The following SGCD variants were observed in gnomAD, a reference collection of about 807,000 sequenced individuals.
SGCD encodes the protein sarcoglycan delta, also known as delta-sarcoglycan.
A neutral mutation model predicts 36.6 loss-of-function variants in SGCD; 18 were observed. The ratio of observed to expected loss-of-function variants is 0.49; its 90% confidence interval spans 0.34 to 0.73. The LOEUF (loss-of-function observed/expected upper bound fraction) is 0.73, where lower values mean the gene tolerates loss of function less well. Ranked by LOEUF, SGCD falls within the 30% of genes least tolerant of loss-of-function variation. The pLI is 0.01. For missense variants in SGCD, 387 were observed against 346.7 expected (o/e 1.12, Z -0.92); for synonymous variants, 133 against 130.6 (o/e 1.02, Z -0.12).
At chr5:155,779,979 G>T in the SGCD span, among the ~76,000 whole-genome samples, 1 of 151,956 alleles carries the variant, frequency 6.6e-6, no homozygotes, top group African/African-American at 2.4e-5. Flanking sequence ...AAACTTTGGG[G>T]CAATTTTTAA....
intron 3 of SGCD, among the ~76,000 whole-genome samples, chr5:156,248,295 G>T (rs1765486677): frequency 6.6e-6 from 1 of 152,140 alleles, no homozygotes; most frequent in African/African-American, 2.4e-5. Flanking sequence ...GCCGAGATGG[G>T]CAGATTACAA....
chr5:155,807,892 G>T, the SGCD span, among the ~76,000 whole-genome samples: 7 of 152,150 alleles, frequency 4.6e-5, no homozygotes, highest in African/African-American at 1.7e-4. Context: ...GGATGGAGGA[G>T]GATGATACAC....
At chr5:156,607,933 T>C (rs1761559223) in intron 6 of SGCD, among the ~76,000 whole-genome samples, 1 of 152,212 alleles carries the variant, frequency 6.6e-6, no homozygotes, top group African/African-American at 2.4e-5. Flanking sequence ...GATTCTTCTC[T>C]TTTCTTCTTG....
intron 3 of SGCD, among the ~76,000 whole-genome samples, chr5:156,483,338 G>T (rs79574297): frequency 0.027 from 4,166 of 152,274 alleles, 158 homozygotes; most frequent in African/African-American, 0.088. Context: ...ACAGGTGTCA[G>T]ACTGAGACAT....
chr5:156,252,276 C>T (rs1047807062), intron 3 of SGCD, among the ~76,000 whole-genome samples: 3 of 151,954 alleles, frequency 2.0e-5, no homozygotes, highest in African/African-American at 4.8e-5. Flanking sequence ...GGGGTTTCTC[C>T]ATGTTGGTCA....
chr5:156,166,090 A>G (rs1581141256), intron 3 of SGCD, among the ~76,000 whole-genome samples: 1 of 145,420 alleles, frequency 6.9e-6, no homozygotes, highest in Non-Finnish European at 1.5e-5. Flanking sequence ...CGGTGTCTGT[A>G]TTATTTGTAG....
At chr5:156,438,694 C>T (rs988820974) in intron 3 of SGCD, among the ~76,000 whole-genome samples, 2 of 152,118 alleles carry the variant, frequency 1.3e-5, no homozygotes, top group Non-Finnish European at 2.9e-5. Flanking sequence ...CTCCATTCTT[C>T]ACAGGGAAAC....
At chr5:156,562,848 A>G (rs1025686619) in intron 4 of SGCD, among the ~76,000 whole-genome samples, 1 of 151,146 alleles carries the variant, frequency 6.6e-6, no homozygotes, top group African/African-American at 2.4e-5. Flanking sequence ...CATATTTTAT[A>G]TACTTAAATA....
chr5:156,334,651 AC>A (rs550539040), intron 2 of SGCD, among the ~76,000 whole-genome samples: 111 of 84,608 alleles, frequency 1.3e-3, no homozygotes, highest in African/African-American at 5.4e-3. Context: ...AGGAGGTGGG[AC>A]TTTTCCTCAT....
intron 7 of SGCD, among the ~76,000 whole-genome samples, chr5:156,720,916 T>TGCCTTGGACTAGGATGGC (rs1292309169): frequency 6.6e-6 from 1 of 152,178 alleles, no homozygotes; most frequent in Non-Finnish European, 1.5e-5. Flanking sequence ...GATAGGATGG[T>TGCCTTGGACTAGGATGGC]GCCTTGGACT....
At chr5:156,274,481 A>T (rs1487511884) in intron 3 of SGCD, among the ~76,000 whole-genome samples, 1 of 152,016 alleles carries the variant, frequency 6.6e-6, no homozygotes, top group Non-Finnish European at 1.5e-5. Context: ...AAAAAATTTT[A>T]GGGCTTTTAT....
intron 1 of SGCD, among the ~76,000 whole-genome samples, chr5:156,004,430 G>A (rs956593551): frequency 3.9e-5 from 6 of 152,118 alleles, no homozygotes; most frequent in Non-Finnish European, 7.4e-5. Flanking sequence ...CTAGCATTAT[G>A]TGAGGTGTTT....
intron 4 of SGCD, among the ~76,000 whole-genome samples, chr5:156,585,560 T>G (rs954186155): frequency 3.9e-5 from 6 of 152,208 alleles, no homozygotes; most frequent in African/African-American, 1.4e-4. Flanking sequence ...GAAGTCACTA[T>G]GTTCTGACTA....
intron 3 of SGCD, among the ~76,000 whole-genome samples, chr5:156,292,154 A>T (rs1766774277): frequency 6.6e-6 from 1 of 152,058 alleles, no homozygotes; most frequent in Non-Finnish European, 1.5e-5. Flanking sequence ...TATCCTAACC[A>T]TTTTTAAGTG....
Position 156,723,112 on chromosome 5 carries a change from G to A in SGCD, c.576-34469G>A, listed in dbSNP as rs531224548. On this transcript the variant is annotated intron_variant, in intron 7 of 8. Transcript: ENST00000337851. ...TAATGCCAGCACTACCAAATTTAAC[G>A]GAAAGGACAGAACTGGATGAAATTA... 3.3e-5 allele frequency among the ~76,000 whole-genome samples: 5 copies of A among 152,262 alleles called. No individual in the cohort carries two copies. In the South Asian group the frequency reaches 6.2e-4, roughly 19 times the overall value.
chr5:156,145,327 A>C (rs1343117065), intron 3 of SGCD, among the ~76,000 whole-genome samples: 1 of 152,202 alleles, frequency 6.6e-6, no homozygotes, highest in Non-Finnish European at 1.5e-5. Flanking sequence ...AGGCCTCCGC[A>C]GAAGCTGAGC....
intron 7 of SGCD, among the ~76,000 whole-genome samples, chr5:156,722,932 A>G (rs1052769541): frequency 6.6e-6 from 1 of 152,234 alleles, no homozygotes; most frequent in Non-Finnish European, 1.5e-5. Flanking sequence ...ATAAAGGTGC[A>G]ATCACTTTCT....
intron 4 of SGCD, among the ~76,000 whole-genome samples, chr5:156,543,476 G>A (rs253595): frequency 0.48 from 72,317 of 151,956 alleles, 17,581 homozygotes; most frequent in African/African-American, 0.53. Context: ...GTATGTTGCT[G>A]TTAGGGAGGG....
intron 1 of SGCD, among the ~76,000 whole-genome samples, chr5:156,079,018 T>TA (rs575699645): frequency 0.19 from 19,385 of 102,262 alleles, 1,829 homozygotes; most frequent in East Asian, 0.49. Context: ...GGGTAATTTG[T>TA]AAAAAAAAAA....
Sources: allele counts gnomAD v4.1 joint callset (sites outside exome capture counted in the v4.1 genomes callset), GRCh38; gene constraint gnomAD v4.1.1; transcripts MANE v1.5; gene names NCBI Gene and HGNC (gene_info 2026-07-23, HGNC 2026-07-21).